UNC5B: variants seen among roughly 807,000 people sequenced by gnomAD.
The protein encoded by UNC5B is unc-5 netrin receptor B, also known as netrin receptor UNC5B.
A neutral mutation model predicts 103.7 loss-of-function variants in UNC5B; 56 were observed. The ratio of observed to expected loss-of-function variants is 0.54; its 90% CI spans 0.44 to 0.67. UNC5B has a LOEUF of 0.67. UNC5B is among the 30% of genes least tolerant of loss of function. The pLI, the probability that UNC5B is intolerant of heterozygous loss-of-function variation, is 0.00. For synonymous variants in UNC5B, 577 were observed against 542.0 expected, an observed-to-expected ratio of 1.06 and a Z score of -0.90; for missense variants, 1,194 against 1,284.5, an observed-to-expected ratio of 0.93 and a Z score of 1.08.
chr10:71,226,003 C>T lies in UNC5B; in HGVS notation c.79+12939C>T, dbSNP rs117124542. ...CAAATAGAGTCTCCTCCTCCCCACCCCCTAGTTCCTACAGAGATATTATCT... is the reference window on the plus strand; with the variant it reads ...CAAATAGAGTCTCCTCCTCCCCACCTCCTAGTTCCTACAGAGATATTATCT... On this transcript the variant is annotated intron_variant, in intron 1 of 16. Coordinates refer to ENST00000335350, the MANE Select transcript of UNC5B (RefSeq NM_170744.5). Among the ~76,000 whole-genome samples, 719 of 152,300 alleles carry T rather than the reference C, an allele frequency of 4.7e-3. 5 individuals are homozygous for T. The highest frequency in any genetic ancestry group is 0.034 in the Middle Eastern group (10 of 294).
At chr10:71,283,274 G>T (rs1268003370) in intron 2 of UNC5B, among the ~76,000 whole-genome samples, 4 of 152,230 alleles carry the variant, frequency 2.6e-5, no homozygotes, top group Non-Finnish European at 4.4e-5. Context: ...GGTAACAGAA[G>T]AAGCTGGTTG....
rs368070115 is a variant in UNC5B at position 71,299,188 on chromosome 10, G to A, written c.2749G>A (p.Asp917Asn). The A allele has an allele frequency of 4.5e-5, 72 of 1,614,240 alleles. No homozygotes were observed. The Admixed American group carries it at 4.5e-4, about 10-fold the overall frequency. ...LDLWEALQQD[D>N]GDLNSLASAL... ...CCTCTGGGAAGCTCTGCAGCAGGAC[G>A]ATGGGGACCTCAACAGCCTGGCGAG... Residue 917 changes from aspartate to asparagine, a missense_variant, in exon 17 of 17, where the codon GAT becomes AAT. Coordinates refer to ENST00000335350, the MANE Select transcript of UNC5B (RefSeq NM_170744.5).
At chr10:71,258,424 A>AGCCAT (rs1239764507) in intron 1 of UNC5B, among the ~76,000 whole-genome samples, 2 of 152,148 alleles carry the variant, frequency 1.3e-5, no homozygotes, top group Non-Finnish European at 2.9e-5. Flanking sequence ...TGGTGGTCTC[A>AGCCAT]GCCATTTTTG....
chr10:71,281,820 C>G (rs941788519), intron 2 of UNC5B, among the ~76,000 whole-genome samples: 1 of 152,194 alleles, frequency 6.6e-6, no homozygotes, highest in African/African-American at 2.4e-5. Flanking sequence ...ACACATAGCA[C>G]AGAACAGCAT....
At chr10:71,285,243 G>A in intron 3 of UNC5B, 83 bp from the exon 4 acceptor site, 2 of 1,382,682 alleles carry the variant, frequency 1.4e-6, no homozygotes, top group East Asian at 2.5e-5. Flanking sequence ...GGTCTGCACT[G>A]CCACCCAGTG....
Position 71,279,823 on chromosome 10 carries a change from A to C in UNC5B, c.82A>C (p.Thr28Pro), listed in dbSNP as rs539892339. 3.6e-5 allele frequency: 58 copies of C among 1,612,774 alleles called. No homozygotes were observed. The South Asian group carries it at 6.3e-4, about 17-fold the overall frequency. Residue 28 changes from threonine to proline, a missense_variant and splice_region_variant, in exon 2 of 17, where the codon ACT becomes CCT. Transcript: ENST00000335350. ...CWDPRLSQAG[T>P]DSGSEVLPDS... ...GGAGGTCTCCACTCACTCTGCAGGC[A>C]CTGATTCTGGCAGCGAGGTGCTCCC...
rs58235566 is a variant in UNC5B at position 71,213,728 on chromosome 10, AGTGTGTGT to A, written c.79+691_79+698del. On this transcript the variant is annotated intron_variant, in intron 1 of 16. Transcript: ENST00000335350. The surrounding 1 kb of genome is among the most constrained non-coding windows in gnomAD (Gnocchi z 4.1). ...ATTATTAATTTTCTGAGTGTTGGAG[AGTGTGTGT>A]GTGTGTGTGTGTGTGTGTGTGTGTG... Among the ~76,000 whole-genome samples the A allele has an allele frequency of 1.5e-4, 20 of 131,472 alleles. No homozygotes were observed. Among genetic ancestry groups the A allele is most frequent in the East Asian group, 8.9e-4 (4 of 4,472 alleles). 86.3% of individuals were successfully genotyped at this position (131,472 alleles called of 152,430 possible).
intron 1 of UNC5B, among the ~76,000 whole-genome samples, chr10:71,242,100 C>A (rs1015911654): frequency 6.6e-6 from 1 of 152,162 alleles, no homozygotes; most frequent in Non-Finnish European, 1.5e-5. Flanking sequence ...CCAACCCCAG[C>A]CCCCTGGAGT....
intron 2 of UNC5B, among the ~76,000 whole-genome samples, chr10:71,280,472 T>C (rs1020126312): frequency 6.6e-6 from 1 of 152,236 alleles, no homozygotes; most frequent in Non-Finnish European, 1.5e-5. Flanking sequence ...TTCACAATAA[T>C]GATATGGCAT....
intron 1 of UNC5B, among the ~76,000 whole-genome samples, chr10:71,253,738 C>T (rs1844228639): frequency 6.6e-6 from 1 of 152,136 alleles, no homozygotes; most frequent in South Asian, 2.1e-4. Flanking sequence ...TGTGAGGGTC[C>T]TCCTCCCCAG....
chr10:71,293,384 C>T (rs759982538), intron 11 of UNC5B, 21 bp from the exon 12 acceptor site: 4 of 1,604,452 alleles, frequency 2.5e-6, no homozygotes, highest in African/African-American at 2.7e-5. Flanking sequence ...TGCCTCTCTC[C>T]TACCCTGTGT....
intron 1 of UNC5B, among the ~76,000 whole-genome samples, chr10:71,267,016 A>C (rs1844538866): frequency 6.6e-6 from 1 of 152,098 alleles, no homozygotes; most frequent in African/African-American, 2.4e-5. Flanking sequence ...TCGAAAAAAA[A>C]ATCATCTGTC....
At chr10:71,281,064 TCTCTCTGTCTCA>T (rs973063689) in intron 2 of UNC5B, among the ~76,000 whole-genome samples, 4 of 152,142 alleles carry the variant, frequency 2.6e-5, no homozygotes, top group African/African-American at 7.2e-5. Flanking sequence ...TTCATCCCCC[TCTCTCTGTCTCA>T]CTCTCTGTCT....
chr10:71,233,762 T>A (rs976746785), intron 1 of UNC5B, among the ~76,000 whole-genome samples: 1 of 152,152 alleles, frequency 6.6e-6, no homozygotes, highest in Non-Finnish European at 1.5e-5. Context: ...GAGTGTGCCT[T>A]TAATCCCCAG....
intron 13 of UNC5B, among the ~76,000 whole-genome samples, chr10:71,295,192 G>T (rs1845375451): frequency 6.6e-6 from 1 of 152,216 alleles, no homozygotes; most frequent in African/African-American, 2.4e-5. Flanking sequence ...CCCTGTGATG[G>T]GTGCAAGGTG....
chr10:71,246,029 G>T (rs1433139844), intron 1 of UNC5B, among the ~76,000 whole-genome samples: 3 of 152,154 alleles, frequency 2.0e-5, no homozygotes, highest in African/African-American at 2.4e-5. Context: ...CTGGCTGGAG[G>T]TGGAGGTGGG....
intron 1 of UNC5B, among the ~76,000 whole-genome samples, chr10:71,230,153 A>G (rs1176185992): frequency 1.3e-5 from 2 of 152,116 alleles, no homozygotes; most frequent in Admixed American, 6.5e-5. Context: ...ACCATTCTAG[A>G]TAGTCCTTCA....
intron 1 of UNC5B, among the ~76,000 whole-genome samples, chr10:71,274,827 C>A (rs1006450634): frequency 1.3e-5 from 2 of 152,092 alleles, no homozygotes; most frequent in African/African-American, 2.4e-5. Context: ...TTTAGGACCA[C>A]CGTATAGCAA....
In UNC5B at chr10:71,291,632, G is replaced by A. The variant is rs1418401964; in HGVS notation, c.1495G>A (p.Gly499Arg). The A allele has an allele frequency of 4.3e-6, 7 of 1,613,746 alleles. No homozygotes were observed. Among genetic ancestry groups the A allele is most frequent in the Non-Finnish European group, 5.9e-6 (7 of 1,179,952 alleles). The stretch of plus-strand genomic sequence containing the variant: ...GGGCTCTGGGCCAGGCCTGGCAGAT[G>A]GGGCTGACCTGCTGGGGGTCTTGCC... The part of the protein sequence containing the change: ...TTGSGPGLAD[G>R]ADLLGVLPPG... The change falls in exon 10 of 17, where the codon GGG becomes AGG. Residue 499 changes from glycine to arginine, a missense_variant. Coordinates refer to ENST00000335350, the MANE Select transcript of UNC5B (RefSeq NM_170744.5).
Sources: allele counts gnomAD v4.1 joint callset (sites outside exome capture counted in the v4.1 genomes callset), GRCh38; gene constraint gnomAD v4.1.1; non-coding constraint Gnocchi (gnomAD v3.1); transcripts MANE v1.5; gene names NCBI Gene and HGNC (gene_info 2026-07-23, HGNC 2026-07-21).